The following SUSD6 variants were observed in gnomAD, a reference collection of about 807,000 sequenced individuals.
SUSD6 encodes sushi domain containing 6, also known as sushi domain-containing protein 6.
Under a neutral mutation model 28.4 loss-of-function variants are expected in SUSD6, and 16 were observed. The ratio of observed to expected loss-of-function variants is 0.56; its 90% CI spans 0.38 to 0.86. SUSD6 has a LOEUF of 0.86. Ranked by LOEUF, SUSD6 falls within the 40% of genes least tolerant of loss-of-function variation. The probability of loss-of-function intolerance (pLI) is 0.00; values close to 1 mark genes in which losing one functional copy is unlikely to be tolerated. For synonymous variants in SUSD6, 147 were observed against 159.6 expected (o/e 0.92, Z 0.59); for missense variants, 341 against 384.2 (o/e 0.89, Z 0.94).
At chr14:69,705,511 T>A (rs940152250) in intron 4 of SUSD6, among the ~76,000 whole-genome samples, 1 of 152,226 alleles carries the variant, frequency 6.6e-6, no homozygotes, top group South Asian at 2.1e-4. Context: ...GTGATTTTGA[T>A]GAACACTTAA....
At chr14:69,681,935 A>G (rs1886002769) in intron 2 of SUSD6, among the ~76,000 whole-genome samples, 1 of 152,214 alleles carries the variant, frequency 6.6e-6, no homozygotes, top group Non-Finnish European at 1.5e-5. Flanking sequence ...ATGTTTTCAT[A>G]TGGACATGCA....
At chr14:69,646,831 A>G (rs1005195520) in intron 1 of SUSD6, among the ~76,000 whole-genome samples, 12 of 150,772 alleles carry the variant, frequency 8.0e-5, no homozygotes, top group African/African-American at 2.9e-4. Flanking sequence ...CCTCCCTAGT[A>G]GCTGGGACTA....
chr14:69,658,690 T>G lies in SUSD6; in HGVS notation c.98T>G (p.Leu33Arg), dbSNP rs1204020582. 2.5e-6 allele frequency: 4 copies of G among 1,614,094 alleles called. No homozygotes were observed. The Admixed American group carries it at 6.7e-5, about 27-fold the overall frequency. ...VFLPLVILCT[L>R]LGDGLASVCP... The stretch of plus-strand genomic sequence containing the variant: ...CTTCCGCTAGTGATCCTTTGCACCC[T>G]GCTTGGAGACGGACTTGCTTCCGGT... The change falls in exon 2 of 6, where the codon CTG (leucine) becomes CGG (arginine). Residue 33 changes from leucine to arginine, a missense_variant. Coordinates refer to ENST00000342745, the MANE Select transcript of SUSD6 (RefSeq NM_014734.4).
intron 1 of SUSD6, among the ~76,000 whole-genome samples, chr14:69,633,133 T>A (rs1007098558): frequency 9.9e-5 from 15 of 152,242 alleles, no homozygotes; most frequent in Non-Finnish European, 2.2e-4. Flanking sequence ...AGGAAATGAT[T>A]GTTGAACTGG....
At chr14:69,689,534 G>A (rs757309483) in intron 2 of SUSD6, among the ~76,000 whole-genome samples, 47 of 152,166 alleles carry the variant, frequency 3.1e-4, no homozygotes, top group Admixed American at 6.5e-4. Flanking sequence ...CACACCATGT[G>A]TATTATTTGC....
At chr14:69,696,974 A>T (rs190168497) in intron 2 of SUSD6, among the ~76,000 whole-genome samples, 19 of 152,278 alleles carry the variant, frequency 1.2e-4, no homozygotes, top group Admixed American at 8.5e-4. Context: ...GGCATGGGCT[A>T]CTCGGCTGAG....
chr14:69,704,618 A>G lies in SUSD6; in HGVS notation c.334A>G (p.Thr112Ala). 6.2e-7 allele frequency: 1 copy of G among 1,613,398 alleles called. No individual in the cohort carries two copies. ...TGTTTTTATAGATAAAGACACCCACACATCACTTGGGGTCCCCACGCTGTC... is the reference window on the plus strand; with the variant it reads ...TGTTTTTATAGATAAAGACACCCACGCATCACTTGGGGTCCCCACGCTGTC... ...CRLNEDKDTH[T>A]SLGVPTLSIV... Residue 112 changes from threonine (T) to alanine (A), a missense_variant, in exon 4 of 6, where the codon ACA becomes GCA. By Grantham distance (58) the Thr-to-Ala change is moderately conservative. Coordinates refer to ENST00000342745, the MANE Select transcript of SUSD6 (RefSeq NM_014734.4).
intron 1 of SUSD6, among the ~76,000 whole-genome samples, chr14:69,629,523 C>T (rs1321109405): frequency 1.3e-5 from 2 of 152,164 alleles, no homozygotes; most frequent in South Asian, 2.1e-4. Flanking sequence ...ATCCTAATTC[C>T]CTGCTACCTC....
At chr14:69,629,556 T>C (rs1248797650) in intron 1 of SUSD6, among the ~76,000 whole-genome samples, 1 of 152,226 alleles carries the variant, frequency 6.6e-6, no homozygotes, top group Non-Finnish European at 1.5e-5. Context: ...GGGGCACTTC[T>C]GCTGTTTCCC....
At chr14:69,618,845 G>A (rs1052786196) in intron 1 of SUSD6, among the ~76,000 whole-genome samples, 1 of 152,184 alleles carries the variant, frequency 6.6e-6, no homozygotes, top group Non-Finnish European at 1.5e-5. Context: ...GAGACTCTTA[G>A]TTGAAGATCC....
At chr14:69,667,052 A>G (rs1885752851) in intron 2 of SUSD6, among the ~76,000 whole-genome samples, 2 of 152,140 alleles carry the variant, frequency 1.3e-5, no homozygotes, top group Admixed American at 1.3e-4. Context: ...CTTTGTGTTT[A>G]TTGTCACTGG....
intron 3 of SUSD6, 126 bp from the exon 4 acceptor site, chr14:69,704,478 G>A (rs568015282): frequency 1.1e-6 from 1 of 879,120 alleles, no homozygotes; most frequent in South Asian, 1.8e-5. Context: ...TTCCTGAAAT[G>A]ACCCTGACCG....
intron 2 of SUSD6, among the ~76,000 whole-genome samples, chr14:69,680,416 C>T (rs754114604): frequency 7.9e-5 from 12 of 152,164 alleles, no homozygotes; most frequent in Non-Finnish European, 1.6e-4. Context: ...TCTCACCAGG[C>T]TCTTACTGGT....
chr14:69,703,957 T>A (rs1886348787), intron 3 of SUSD6, among the ~76,000 whole-genome samples: 1 of 152,230 alleles, frequency 6.6e-6, no homozygotes, highest in Non-Finnish European at 1.5e-5. Flanking sequence ...TGAATGGAGC[T>A]ACAGACCAGC....
intron 1 of SUSD6, among the ~76,000 whole-genome samples, chr14:69,657,014 T>C (rs550102874): frequency 1.3e-5 from 2 of 152,292 alleles, no homozygotes; most frequent in East Asian, 3.9e-4. Context: ...GGGAAATGGG[T>C]GAGGACCAGT....
intron 1 of SUSD6, among the ~76,000 whole-genome samples, chr14:69,633,080 G>T (rs1414454872): frequency 6.6e-6 from 1 of 152,188 alleles, no homozygotes; most frequent in Non-Finnish European, 1.5e-5. Flanking sequence ...TGGTAGAGGT[G>T]TTCCTTCAGG....
At chr14:69,646,258 C>T (rs1175619100) in intron 1 of SUSD6, among the ~76,000 whole-genome samples, 1 of 152,174 alleles carries the variant, frequency 6.6e-6, no homozygotes, top group Non-Finnish European at 1.5e-5. Flanking sequence ...GTTGCACATG[C>T]CCCTGGTTTC....
At chr14:69,647,114 ATGTT>A (rs1194353429) in intron 1 of SUSD6, among the ~76,000 whole-genome samples, 2 of 152,148 alleles carry the variant, frequency 1.3e-5, no homozygotes, top group East Asian at 1.9e-4. Flanking sequence ...ATGGATGAAA[ATGTT>A]TGTTTATTTC....
At chr14:69,692,038 C>CAAAAA (rs200335924) in intron 2 of SUSD6, among the ~76,000 whole-genome samples, 2 of 68,310 alleles carry the variant, frequency 2.9e-5, no homozygotes, top group Non-Finnish European at 6.4e-5. Context: ...GACTCCGTCT[C>CAAAAA]AAAAAAAAAA....
Sources: allele counts gnomAD v4.1 joint callset (sites outside exome capture counted in the v4.1 genomes callset), GRCh38; gene constraint gnomAD v4.1.1; transcripts MANE v1.5; gene names NCBI Gene and HGNC (gene_info 2026-07-23, HGNC 2026-07-21).